The following DAB1 variants were observed in gnomAD, a reference collection of about 807,000 sequenced individuals.
DAB1 encodes the protein DAB adaptor protein 1, also known as disabled homolog 1.
A neutral mutation model predicts 64.6 loss-of-function variants in DAB1; 15 were observed. The ratio of observed to expected loss-of-function variants is 0.23; its 90% CI spans 0.16 to 0.36. The LOEUF (loss-of-function observed/expected upper bound fraction) is 0.36. DAB1 is among the 10% of genes least tolerant of loss of function. DAB1 has a pLI of 1.00. For missense variants in DAB1, 596 were observed against 706.7 expected, an observed-to-expected ratio of 0.84 and a Z score of 1.78; for synonymous variants, 235 against 251.9, an observed-to-expected ratio of 0.93 and a Z score of 0.64.
At chr1:57,188,049 A>G (rs192120178) in intron 2 of DAB1, among the ~76,000 whole-genome samples, 64 of 152,318 alleles carry the variant, frequency 4.2e-4, no homozygotes, top group Non-Finnish European at 7.8e-4. Flanking sequence ...AGATGCAACA[A>G]ATGCTAGCTC....
At chr1:57,407,184 TC>T (rs1683708171) in intron 1 of DAB1, among the ~76,000 whole-genome samples, 1 of 152,206 alleles carries the variant, frequency 6.6e-6, no homozygotes, top group Non-Finnish European at 1.5e-5. Context: ...GTGACTGTTT[TC>T]CCCGCGCCAG....
At chr1:57,771,938 TTC>T (rs897635023) in intron 6 of DAB1, among the ~76,000 whole-genome samples, 62 of 152,262 alleles carry the variant, frequency 4.1e-4, no homozygotes, top group African/African-American at 1.2e-3. Context: ...AATACTTTAT[TTC>T]TTTTTATTAT....
At chr1:58,015,190 A>C (rs1646721411) in intron 5 of DAB1, among the ~76,000 whole-genome samples, 1 of 152,208 alleles carries the variant, frequency 6.6e-6, no homozygotes, top group Non-Finnish European at 1.5e-5. Flanking sequence ...TTGGCCCAGC[A>C]TTATGCCTTT....
chr1:57,919,192 T>G (rs550574871), intron 5 of DAB1, among the ~76,000 whole-genome samples: 1 of 151,966 alleles, frequency 6.6e-6, no homozygotes, highest in South Asian at 2.1e-4. Context: ...GTGAGGAGGG[T>G]TGGGAGGGTT....
intron 4 of DAB1, among the ~76,000 whole-genome samples, chr1:57,097,354 T>C (rs1370990508): frequency 6.6e-6 from 1 of 152,200 alleles, no homozygotes; most frequent in Non-Finnish European, 1.5e-5. Flanking sequence ...CACAGAGTCA[T>C]ACTGAGCCCG....
chr1:57,662,256 C>T (rs1246013245), intron 6 of DAB1, among the ~76,000 whole-genome samples: 4 of 152,206 alleles, frequency 2.6e-5, no homozygotes, highest in East Asian at 3.9e-4. Flanking sequence ...CGTGCAATGG[C>T]GCGATCTCGG....
At chr1:58,228,829 C>A in intron 4 of DAB1, 1 of 651,930 alleles carries the variant, frequency 1.5e-6, no homozygotes, top group Admixed American at 2.0e-5. Flanking sequence ...TAGACATAAC[C>A]AGCAAGAGAC....
intron 1 of DAB1, among the ~76,000 whole-genome samples, chr1:57,317,327 G>A (rs1301983068): frequency 3.9e-5 from 6 of 152,214 alleles, no homozygotes; most frequent in African/African-American, 1.4e-4. Context: ...TTCTGAGCAA[G>A]GGGACCCAAC....
chr1:57,431,212 C>T (rs1020737234), intron 7 of DAB1, among the ~76,000 whole-genome samples: 2 of 149,682 alleles, frequency 1.3e-5, no homozygotes, highest in African/African-American at 2.5e-5. Context: ...AGATTCCCCT[C>T]TGAGGGTGGC....
intron 1 of DAB1, among the ~76,000 whole-genome samples, chr1:57,375,966 C>T (rs1389810574): frequency 6.6e-6 from 1 of 152,150 alleles, no homozygotes; most frequent in African/African-American, 2.4e-5. Context: ...TTTGATATAA[C>T]TGCAGAGACA....
At chr1:58,490,797 T>TA (rs1405642660) in intron 3 of DAB1, among the ~76,000 whole-genome samples, 1 of 58,786 alleles carries the variant, frequency 1.7e-5, no homozygotes, top group African/African-American at 1.2e-4. Context: ...TCAACATTCT[T>TA]TTTTTTTTTT....
intron 1 of DAB1, among the ~76,000 whole-genome samples, chr1:57,330,367 C>G (rs1676552753): frequency 6.6e-6 from 1 of 152,204 alleles, no homozygotes. Context: ...CGTACCCAGG[C>G]TCCTGGAAGC....
intron 3 of DAB1, among the ~76,000 whole-genome samples, chr1:58,378,495 G>T (rs1382229911): frequency 1.1e-4 from 5 of 46,388 alleles, no homozygotes; most frequent in Non-Finnish European, 1.7e-4. Context: ...GCTGCTCGGG[G>T]GTCAGGGGTC....
intron 9 of DAB1, among the ~76,000 whole-genome samples, chr1:57,050,643 T>C (rs147910135): frequency 6.6e-6 from 1 of 152,340 alleles, no homozygotes; most frequent in Non-Finnish European, 1.5e-5. Flanking sequence ...GAAGACATCA[T>C]TAAACTCCTT....
At chr1:58,017,156 C>T (rs991408967) in intron 5 of DAB1, among the ~76,000 whole-genome samples, 11 of 151,944 alleles carry the variant, frequency 7.2e-5, no homozygotes, top group African/African-American at 2.7e-4. Flanking sequence ...ATGGGGTTGG[C>T]TTTCTGGACC....
At chr1:57,935,837 G>T (rs1176672699) in intron 5 of DAB1, among the ~76,000 whole-genome samples, 2 of 152,222 alleles carry the variant, frequency 1.3e-5, no homozygotes, top group Non-Finnish European at 1.5e-5. Flanking sequence ...TATGGCTGCA[G>T]AAAATGCTGG....
At chr1:58,490,667 A>C (rs1368342057) in intron 3 of DAB1, among the ~76,000 whole-genome samples, 2 of 152,234 alleles carry the variant, frequency 1.3e-5, no homozygotes, top group Non-Finnish European at 2.9e-5. Flanking sequence ...GAAATGAAGG[A>C]AAAAATGTTA....
At chr1:58,502,674 C>T (rs972613301) in intron 3 of DAB1, among the ~76,000 whole-genome samples, 4 of 152,180 alleles carry the variant, frequency 2.6e-5, no homozygotes, top group African/African-American at 9.6e-5. Flanking sequence ...TGAGAAACTG[C>T]CTTCTTTCAT....
chr1:57,311,824 C>T (rs1042356978), intron 1 of DAB1, among the ~76,000 whole-genome samples: 2 of 152,120 alleles, frequency 1.3e-5, no homozygotes, highest in South Asian at 2.1e-4. Flanking sequence ...ATGCATCTTT[C>T]TTGTGACCAT....
Sources: gnomAD v4.1 joint callset for allele counts (sites outside exome capture counted in the v4.1 genomes callset) on GRCh38, gnomAD v4.1.1 for gene constraint, MANE v1.5 for transcripts, NCBI Gene and HGNC (gene_info 2026-07-23, HGNC 2026-07-21) for gene names.